Variants in HOMER1 observed in about 807,000 individuals in gnomAD.
The protein encoded by HOMER1 is homer scaffold protein 1.
In HOMER1, 3 loss-of-function variants were observed where a neutral mutation model predicts 48.9. That is an observed-to-expected ratio of 0.06 (90% CI 0.03 to 0.16). The LOEUF (loss-of-function observed/expected upper bound fraction) is 0.16, where lower values mean the gene tolerates loss of function less well. HOMER1 is among the 10% of genes least tolerant of loss of function. The pLI is 1.00. For missense variants in HOMER1, 247 were observed against 411.4 expected (o/e 0.60, Z 3.46); for synonymous variants, 134 against 146.4 (o/e 0.92, Z 0.61).
chr5:79,492,073 T>TA (rs1561385550), intron 1 of HOMER1, among the ~76,000 whole-genome samples: 1 of 152,228 alleles, frequency 6.6e-6, no homozygotes, highest in Admixed American at 6.5e-5. Context: ...TTCCCAAGGT[T>TA]AAAAAAGTCC....
chr5:79,424,031 A>C (rs1580441323), intron 5 of HOMER1, among the ~76,000 whole-genome samples: 1 of 152,088 alleles, frequency 6.6e-6, no homozygotes, highest in East Asian at 1.9e-4. Context: ...CACATTCTAT[A>C]AACTAGTCCC....
intron 1 of HOMER1, among the ~76,000 whole-genome samples, chr5:79,484,045 CA>C (rs34704866): frequency 8.4e-3 from 605 of 72,244 alleles, no homozygotes; most frequent in South Asian, 0.012. Context: ...GACTCCATCT[CA>C]AAAAAAAAAA....
At chr5:79,442,313 T>A (rs1274433382) in intron 4 of HOMER1, among the ~76,000 whole-genome samples, 4 of 152,192 alleles carry the variant, frequency 2.6e-5, no homozygotes, top group Non-Finnish European at 5.9e-5. Context: ...AAATGCTTCT[T>A]AAGAATTCTC....
intron 5 of HOMER1, among the ~76,000 whole-genome samples, chr5:79,426,937 C>A (rs924011856): frequency 6.6e-6 from 1 of 151,718 alleles, no homozygotes; most frequent in Non-Finnish European, 1.5e-5. Flanking sequence ...TATAATGTAT[C>A]CATAAAAATA....
At chr5:79,394,798 G>A (rs1229349921) in intron 8 of HOMER1, among the ~76,000 whole-genome samples, 3 of 152,094 alleles carry the variant, frequency 2.0e-5, no homozygotes, top group Non-Finnish European at 2.9e-5. Context: ...TTGAACTCCT[G>A]GCCTCAAGAG....
rs373225318 is a variant in HOMER1 at position 79,376,147 on chromosome 5, C to T, written c.927G>A (p.Glu309=). ...CATTCTGACTTTTCTCCAGACGTTG[C>T]TCTAAGTCAGACAGTTGTCCCTCCA... ...KDLEGQLSDL[E]QRLEKSQNEQ... Residue 309 remains glutamate (E), a synonymous_variant, in exon 9 of 9, where the codon GAG becomes GAA. Transcript: ENST00000334082. The T allele has an allele frequency of 6.2e-7, 1 of 1,613,640 alleles. No homozygotes were observed. Among genetic ancestry groups the T allele is most frequent in the Non-Finnish European group, 8.5e-7 (1 of 1,179,814 alleles).
rs558428061 is a variant in HOMER1 at position 79,492,907 on chromosome 5, CTTTTTT to C, written c.5+19857_5+19862del. Among the ~76,000 whole-genome samples the C allele has an allele frequency of 5.6e-4, 47 of 84,030 alleles. 1 individual carries two copies. The highest frequency in any genetic ancestry group is 1.8e-3 in the African/African-American group (42 of 23,776). The allele number at this position is 84,030 out of a possible 152,430, so 55.1% of individuals were successfully genotyped here. ...AGAATGAAGAAAACGAAAACTTTGT[CTTTTTT>C]TTTTTTTTTTTTTTTTTTTTTTAAA... On this transcript the variant is annotated intron_variant, in intron 1 of 8. Coordinates refer to ENST00000334082, the MANE Select transcript of HOMER1 (RefSeq NM_004272.5).
intron 1 of HOMER1, among the ~76,000 whole-genome samples, chr5:79,506,119 TA>T (rs776967914): frequency 0.24 from 36,994 of 151,646 alleles, 4,986 homozygotes; most frequent in African/African-American, 0.36. Context: ...TTTATTTATT[TA>T]TTTATTTTTT....
At position 79,375,986 on chromosome 5, in the gene HOMER1, T is replaced by C. The variant is rs754547525; in HGVS notation, c.*23A>G. On this transcript the variant is annotated 3_prime_UTR_variant, in exon 9 of 9. Coordinates refer to ENST00000334082, the MANE Select transcript of HOMER1 (RefSeq NM_004272.5). Reference sequence around the variant, plus strand: ...GAGAGACAGTGTATCTTTTAATTAATTGGCACTGAAATTTCACTTTCCTTA... The same window carrying C: ...GAGAGACAGTGTATCTTTTAATTAACTGGCACTGAAATTTCACTTTCCTTA... The C allele has an allele frequency of 5.8e-6, 9 of 1,543,212 alleles. No individual in the cohort carries two copies. The South Asian group carries it at 5.9e-5, about 10-fold the overall frequency.
chr5:79,469,758 G>A (rs1024046089), intron 1 of HOMER1, among the ~76,000 whole-genome samples: 1 of 151,738 alleles, frequency 6.6e-6, no homozygotes, highest in Non-Finnish European at 1.5e-5. Flanking sequence ...TCAGCCTCCC[G>A]CTGGGACATT....
chr5:79,494,204 T>C (rs1288346380), intron 1 of HOMER1, among the ~76,000 whole-genome samples: 1 of 152,156 alleles, frequency 6.6e-6, no homozygotes, highest in Non-Finnish European at 1.5e-5. Context: ...TCCACATTCA[T>C]AGCTCCAACC....
intron 1 of HOMER1, among the ~76,000 whole-genome samples, chr5:79,491,409 A>G (rs998533030): frequency 7.5e-6 from 1 of 134,158 alleles, no homozygotes; most frequent in Non-Finnish European, 1.5e-5. Context: ...ACTACACTCC[A>G]GCCTGGATGA....
At chr5:79,451,353 A>G (rs1259742816) in intron 2 of HOMER1, among the ~76,000 whole-genome samples, 1 of 152,166 alleles carries the variant, frequency 6.6e-6, no homozygotes, top group Non-Finnish European at 1.5e-5. Flanking sequence ...TTACACTCAA[A>G]TAAGTTTACC....
At chr5:79,411,898 CAT>C (rs1749823254) in intron 5 of HOMER1, among the ~76,000 whole-genome samples, 1 of 152,120 alleles carries the variant, frequency 6.6e-6, no homozygotes, top group Non-Finnish European at 1.5e-5. Context: ...GCGGGTGGAT[CAT>C]TTGAGGCCAG....
intron 1 of HOMER1, among the ~76,000 whole-genome samples, chr5:79,494,180 C>G (rs1752362683): frequency 6.6e-6 from 1 of 152,134 alleles, no homozygotes; most frequent in African/African-American, 2.4e-5. Context: ...CTATAAATAC[C>G]CTGCATGAGC....
chr5:79,492,750 C>CCAAA (rs1752315100), intron 1 of HOMER1, among the ~76,000 whole-genome samples: 1 of 151,884 alleles, frequency 6.6e-6, no homozygotes, highest in African/African-American at 2.4e-5. Flanking sequence ...TTAGGTTGGT[C>CCAAA]TTCCAAGATA....
At chr5:79,437,440 A>G (rs1042130123) in intron 5 of HOMER1, among the ~76,000 whole-genome samples, 33 of 152,310 alleles carry the variant, frequency 2.2e-4, no homozygotes, top group African/African-American at 7.9e-4. Context: ...CATATTTTAA[A>G]AGACTATGTA....
At chr5:79,509,146 G>A (rs1315436218) in intron 1 of HOMER1, among the ~76,000 whole-genome samples, 1 of 152,186 alleles carries the variant, frequency 6.6e-6, no homozygotes, top group East Asian at 1.9e-4. Context: ...CTCAGTTTGG[G>A]CTGCAATGTA....
intron 5 of HOMER1, among the ~76,000 whole-genome samples, chr5:79,415,558 C>T (rs894199949): frequency 6.6e-6 from 1 of 151,976 alleles, no homozygotes; most frequent in African/African-American, 2.4e-5. Flanking sequence ...AATCTATGTC[C>T]ACGTAAACCT....
Sources: gnomAD v4.1 joint callset for allele counts (sites outside exome capture counted in the v4.1 genomes callset) on GRCh38, gnomAD v4.1.1 for gene constraint, MANE v1.5 for transcripts, NCBI Gene and HGNC (gene_info 2026-07-23, HGNC 2026-07-21) for gene names.